KSR2: variants seen among roughly 807,000 people sequenced by gnomAD.
KSR2 encodes kinase suppressor of ras 2.
A neutral mutation model predicts 107.8 loss-of-function variants in KSR2; 25 were observed. That is an observed-to-expected ratio of 0.23 (90% confidence interval 0.17 to 0.32). The LOEUF is 0.32. Ranked by LOEUF, KSR2 falls within the 10% of genes least tolerant of loss-of-function variation. The probability of loss-of-function intolerance (pLI) is 1.00; values close to 1 mark genes in which losing one functional copy is unlikely to be tolerated. For missense variants in KSR2, 887 were observed against 1,268.9 expected (o/e 0.70, Z 4.57); for synonymous variants, 480 against 507.0 (o/e 0.95, Z 0.71).
At chr12:117,484,899 G>A (rs958692495) in intron 15 of KSR2, among the ~76,000 whole-genome samples, 1 of 152,110 alleles carries the variant, frequency 6.6e-6, no homozygotes, top group Non-Finnish European at 1.5e-5. Context: ...TAACTCTTCC[G>A]CAAGACTAGA....
chr12:117,948,989 G>C (rs532957280), intron 1 of KSR2, among the ~76,000 whole-genome samples: 1 of 152,180 alleles, frequency 6.6e-6, no homozygotes, highest in Non-Finnish European at 1.5e-5. Flanking sequence ...AGCTACTCGG[G>C]AGGCTGAGGC....
At chr12:117,724,547 T>C (rs891968961) in intron 4 of KSR2, among the ~76,000 whole-genome samples, 1 of 152,004 alleles carries the variant, frequency 6.6e-6, no homozygotes, top group African/African-American at 2.4e-5. Flanking sequence ...ACAACAAGCA[T>C]CATCTCTCTG....
Position 117,489,968 on chromosome 12 carries a change from G to C in KSR2, c.2220-4277C>G, listed in dbSNP as rs1042148549. ...AGTGTGGGATGTGGGGAAAGGAAGG[G>C]AGAAGAGGATGAAAGTTTACTGAGT... On this transcript the variant is annotated intron_variant, in intron 14 of 19. Transcript: ENST00000339824. 4.6e-5 allele frequency among the ~76,000 whole-genome samples: 7 copies of C among 152,320 alleles called. 1 individual carries two copies. Among genetic ancestry groups the C allele is most frequent in the Admixed American group, 4.6e-4 (7 of 15,298 alleles).
chr12:117,793,139 C>A (rs1317627656), intron 3 of KSR2, among the ~76,000 whole-genome samples: 1 of 142,564 alleles, frequency 7.0e-6, no homozygotes, highest in Non-Finnish European at 1.5e-5. Context: ...CACACACTAA[C>A]ATGCATATAC....
At chr12:117,880,308 C>T (rs1893986451) in intron 1 of KSR2, among the ~76,000 whole-genome samples, 2 of 152,090 alleles carry the variant, frequency 1.3e-5, no homozygotes. Flanking sequence ...CTTGATCACA[C>T]CAACTATCTT....
intron 3 of KSR2, among the ~76,000 whole-genome samples, chr12:117,849,051 C>T (rs1003925625): frequency 2.6e-5 from 4 of 152,150 alleles, no homozygotes; most frequent in Non-Finnish European, 5.9e-5. Context: ...AGAGCCAGAA[C>T]TTAAACCCAA....
intron 3 of KSR2, among the ~76,000 whole-genome samples, chr12:117,781,287 G>A (rs2136944667): frequency 6.6e-6 from 1 of 152,324 alleles, no homozygotes; most frequent in African/African-American, 2.4e-5. Flanking sequence ...TCTCAGGTAT[G>A]TCTTTATTAG....
At chr12:117,488,279 C>G (rs1322186937) in intron 14 of KSR2, among the ~76,000 whole-genome samples, 3 of 152,178 alleles carry the variant, frequency 2.0e-5, no homozygotes, top group African/African-American at 7.2e-5. Flanking sequence ...TAATACAAAT[C>G]CACAACCAGC....
At chr12:117,559,852 C>T (rs983980251) in intron 7 of KSR2, among the ~76,000 whole-genome samples, 2 of 152,132 alleles carry the variant, frequency 1.3e-5, no homozygotes, top group African/African-American at 4.8e-5. Context: ...CCGTAAGTGC[C>T]CCATTCGTAT....
At chr12:117,470,378 T>C (rs550721525) in intron 18 of KSR2, among the ~76,000 whole-genome samples, 1 of 151,810 alleles carries the variant, frequency 6.6e-6, no homozygotes, top group Non-Finnish European at 1.5e-5. Flanking sequence ...TAATTCTTCA[T>C]CCTTCATTAT....
intron 4 of KSR2, among the ~76,000 whole-genome samples, chr12:117,732,041 T>TA (rs35351348): frequency 0.46 from 68,060 of 147,128 alleles, 16,053 homozygotes; most frequent in Admixed American, 0.56. Flanking sequence ...CAAATACTAT[T>TA]AAAAAAAAAA....
intron 1 of KSR2, among the ~76,000 whole-genome samples, chr12:117,925,312 T>TG (rs1432048107): frequency 6.6e-6 from 1 of 151,728 alleles, no homozygotes; most frequent in African/African-American, 2.4e-5. Flanking sequence ...TTAGTGGAGA[T>TG]GGGGTTTCAC....
intron 3 of KSR2, among the ~76,000 whole-genome samples, chr12:117,834,658 C>T (rs185519008): frequency 4.6e-5 from 7 of 152,288 alleles, no homozygotes; most frequent in Non-Finnish European, 7.4e-5. Flanking sequence ...TGAGGCTCCT[C>T]CTCTGGGCTT....
At chr12:117,818,630 G>A (rs1478771410) in intron 3 of KSR2, among the ~76,000 whole-genome samples, 2 of 152,172 alleles carry the variant, frequency 1.3e-5, no homozygotes, top group African/African-American at 2.4e-5. Context: ...ATGTTCATGG[G>A]TGGCAGTGTT....
intron 4 of KSR2, among the ~76,000 whole-genome samples, chr12:117,695,304 T>C (rs1001034913): frequency 1.3e-5 from 2 of 152,166 alleles, no homozygotes; most frequent in African/African-American, 4.8e-5. Flanking sequence ...GGATGGATAA[T>C]GGTGATGGTT....
intron 5 of KSR2, among the ~76,000 whole-genome samples, chr12:117,639,063 AC>A (rs991556464): frequency 1.3e-5 from 2 of 152,116 alleles, no homozygotes; most frequent in African/African-American, 4.8e-5. Context: ...ACTTTATTTT[AC>A]AAAAAAGGCA....
intron 4 of KSR2, among the ~76,000 whole-genome samples, chr12:117,686,202 C>T (rs372489189): frequency 5.5e-5 from 8 of 145,922 alleles, no homozygotes; most frequent in African/African-American, 1.8e-4. Context: ...GCACACACCA[C>T]CACACCCAGC....
At chr12:117,694,584 G>GC (rs1199945230) in intron 4 of KSR2, among the ~76,000 whole-genome samples, 1 of 152,162 alleles carries the variant, frequency 6.6e-6, no homozygotes, top group African/African-American at 2.4e-5. Flanking sequence ...AGAACTGAAA[G>GC]CAAGAACTCA....
chr12:117,950,315 T>G (rs1449557690), intron 1 of KSR2, among the ~76,000 whole-genome samples: 1 of 152,084 alleles, frequency 6.6e-6, no homozygotes, highest in African/African-American at 2.4e-5. Flanking sequence ...GATAGATTCA[T>G]GGACAGAGAA....
Sources: allele counts gnomAD v4.1 joint callset (sites outside exome capture counted in the v4.1 genomes callset), GRCh38; gene constraint gnomAD v4.1.1; transcripts MANE v1.5; gene names NCBI Gene and HGNC (gene_info 2026-07-23, HGNC 2026-07-21).